The following MYBPC2 variants were observed in gnomAD, a reference collection of about 807,000 sequenced individuals.
The protein encoded by MYBPC2 is myosin-binding protein C, fast-type.
Under a neutral mutation model 137.0 loss-of-function variants are expected in MYBPC2, and 122 were observed. That is an observed-to-expected ratio of 0.89 (90% CI 0.77 to 1.03). MYBPC2 has a LOEUF of 1.03. Among genes scored for constraint, MYBPC2 ranks in the 50% least tolerant of loss-of-function variants. The probability of loss-of-function intolerance (pLI) is 0.00; values close to 1 mark genes in which losing one functional copy is unlikely to be tolerated. For synonymous variants in MYBPC2, 626 were observed against 612.3 expected (o/e 1.02, Z -0.33); for missense variants, 1,500 against 1,534.4 (o/e 0.98, Z 0.37).
chr19:50,455,728 G>A (rs1568666330), intron 20 of MYBPC2, 84 bp downstream of exon 20: 2 of 1,558,540 alleles, frequency 1.3e-6, no homozygotes, highest in Non-Finnish European at 1.7e-6. Context: ...AGGACCATGT[G>A]GGACAGAGAT....
intron 4 of MYBPC2, 124 bp downstream of exon 4, chr19:50,436,284 T>G: frequency 7.1e-7 from 1 of 1,403,184 alleles, no homozygotes; most frequent in Non-Finnish European, 9.5e-7. Flanking sequence ...GAGTGGGCCC[T>G]CTGAGGATGG....
chr19:50,457,680 G>GT (rs544491551), intron 20 of MYBPC2, among the ~76,000 whole-genome samples: 38,007 of 126,344 alleles, frequency 0.3, 5,928 homozygotes, highest in African/African-American at 0.34. Context: ...CCTGGGGAAA[G>GT]TTTTTTTTTT....
At chr19:50,436,201 G>T in intron 4 of MYBPC2, 41 bp downstream of exon 4, 1 of 1,559,010 alleles carries the variant, frequency 6.4e-7, no homozygotes, top group Non-Finnish European at 8.7e-7. Context: ...GAGGGGAGTG[G>T]AGCTTGTGCA....
At chr19:50,442,140 G>T in intron 8 of MYBPC2, 41 bp from the exon 9 acceptor site, 1 of 1,558,826 alleles carries the variant, frequency 6.4e-7, no homozygotes, top group South Asian at 1.2e-5. Context: ...GGGGAATGAG[G>T]ACCACACGCC....
In MYBPC2 at chr19:50,460,112, C is replaced by A; in HGVS notation, c.2864C>A (p.Ala955Asp). Reference protein sequence around the residue: ...WGTNALVEWQAPKDDGNSEIM... With the variant: ...WGTNALVEWQDPKDDGNSEIM... ...ACGAACGCGCTGGTGGAGTGGCAGG[C>A]CCCCAAAGATGATGGGAACAGTGAG... Residue 955 changes from alanine (A) to aspartate (D), a missense_variant, in exon 24 of 28, where the codon GCC (alanine) becomes GAC (aspartate). Coordinates refer to ENST00000357701, the MANE Select transcript of MYBPC2 (RefSeq NM_004533.4). The A allele has an allele frequency of 6.4e-7, 1 of 1,563,578 alleles. No individual in the cohort carries two copies. The highest frequency in any genetic ancestry group is 8.6e-7 in the Non-Finnish European group (1 of 1,157,158).
chr19:50,438,500 A>G (rs1156377386), intron 7 of MYBPC2, among the ~76,000 whole-genome samples: 1 of 152,188 alleles, frequency 6.6e-6, no homozygotes, highest in Non-Finnish European at 1.5e-5. Flanking sequence ...AGAGGTGGGC[A>G]GTTGACACGC....
At chr19:50,444,479 T>A (rs1466490481) in intron 11 of MYBPC2, among the ~76,000 whole-genome samples, 3 of 152,188 alleles carry the variant, frequency 2.0e-5, no homozygotes, top group Non-Finnish European at 4.4e-5. Context: ...ACCATCTACC[T>A]ATCCATTCAT....
rs1207375585 is a variant in MYBPC2, at chr19:50,460,123, G to A, written c.2875G>A (p.Asp959Asn). ...ALVEWQAPKD[D>N]GNSEIMGYFV... ...GGTGGAGTGGCAGGCCCCCAAAGAT[G>A]ATGGGAACAGTGAGATCATGGGGTA... is the stretch of plus-strand genomic sequence containing the variant. Residue 959 changes from aspartate to asparagine, a missense_variant, in exon 24 of 28, where the codon GAT becomes AAT. Transcript: ENST00000357701. 1.3e-6 allele frequency: 2 copies of A among 1,577,132 alleles called. No homozygotes were observed. Among genetic ancestry groups the A allele is most frequent in the South Asian group, 1.2e-5 (1 of 85,774 alleles).
intron 5 of MYBPC2, among the ~76,000 whole-genome samples, chr19:50,436,946 G>A (rs922634249): frequency 6.6e-6 from 1 of 152,126 alleles, no homozygotes; most frequent in East Asian, 1.9e-4. Context: ...AAGTGTACAG[G>A]GTCTTGGGAT....
chr19:50,436,833 G>A, intron 5 of MYBPC2, 99 bp downstream of exon 5: 1 of 1,134,220 alleles, frequency 8.8e-7, no homozygotes, highest in Non-Finnish European at 1.3e-6. Flanking sequence ...GCATGGGCAT[G>A]AGGTGGGCAC....
chr19:50,453,442 G>T (rs1417688429), intron 16 of MYBPC2, among the ~76,000 whole-genome samples: 1 of 152,220 alleles, frequency 6.6e-6, no homozygotes, highest in Non-Finnish European at 1.5e-5. Flanking sequence ...TGAAGGATGA[G>T]GAAGAGCTTA....
In MYBPC2 at chr19:50,451,292, A is replaced by G; in HGVS notation, c.1592A>G (p.Glu531Gly). 1.9e-6 allele frequency: 3 copies of G among 1,613,570 alleles called. No homozygotes were observed. Among genetic ancestry groups the G allele is most frequent in the Non-Finnish European group, 2.5e-6 (3 of 1,179,826 alleles). Reference sequence around the variant, plus strand: ...CTTTGTCTTGCAGAAATCAAGGTGGAGTACGTTCCCAAGCAAGGTGAGCAC... The same window carrying G: ...CTTTGTCTTGCAGAAATCAAGGTGGGGTACGTTCCCAAGCAAGGTGAGCAC... Reference protein sequence around the residue: ...AKLNFLEIKVEYVPKQEPPKI... With the variant: ...AKLNFLEIKVGYVPKQEPPKI... Residue 531 changes from glutamate (E) to glycine (G), a missense_variant, in exon 15 of 28, where the codon GAG (glutamate) becomes GGG (glycine). Coordinates refer to ENST00000357701, the MANE Select transcript of MYBPC2 (RefSeq NM_004533.4).
Position 50,440,979 on chromosome 19 carries a change from C to G in MYBPC2, c.672C>G (p.Ser224Arg), listed in dbSNP as rs770297664. 6.2e-7 allele frequency: 1 copy of G among 1,613,400 alleles called. No individual in the cohort carries two copies. Among genetic ancestry groups the G allele is most frequent in the Non-Finnish European group, 8.5e-7 (1 of 1,179,726 alleles). The change falls in exon 8 of 28, where the codon AGC becomes AGG. Residue 224 changes from serine to arginine, a missense_variant. Transcript: ENST00000357701. ...IWELLKGAKK[S>R]EYEKIAFQYG... ...AGCTCCTGAAAGGGGCAAAGAAGAGCGAGTACGAGAAAATCGCCTTCCAGT... is the reference window on the plus strand; with the variant it reads ...AGCTCCTGAAAGGGGCAAAGAAGAGGGAGTACGAGAAAATCGCCTTCCAGT...
chr19:50,445,723 C>T (rs2039797689), intron 11 of MYBPC2, among the ~76,000 whole-genome samples, 157 bp from the exon 12 acceptor site: 1 of 151,946 alleles, frequency 6.6e-6, no homozygotes, highest in African/African-American at 2.4e-5. Flanking sequence ...ACCTGTGACC[C>T]GTCCACCACT....
rs764302354 is a variant in MYBPC2, at chr19:50,437,690, C to T, written c.544C>T (p.Leu182=). The change falls in exon 7 of 28, where the codon CTG becomes TTG. Residue 182 remains leucine, a synonymous_variant. Coordinates refer to ENST00000357701, the MANE Select transcript of MYBPC2 (RefSeq NM_004533.4). ...AAAGAAGTCGGATACTGCAGGTGAGCTGGATTTCAGTGGCCTGTTGAAGAA... is the reference window on the plus strand; with the variant it reads ...AAAGAAGTCGGATACTGCAGGTGAGTTGGATTTCAGTGGCCTGTTGAAGAA... ...SEKKSDTAGE[L]DFSGLLKKRE... is the part of the protein sequence containing the mutation. 1.2e-6 allele frequency: 2 copies of T among 1,605,090 alleles called. No individual in the cohort carries two copies. Among genetic ancestry groups the T allele is most frequent in the African/African-American group, 1.3e-5 (1 of 74,866 alleles).
Position 50,435,272 on chromosome 19 carries a change from C to T in MYBPC2, c.109+22C>T. On this transcript the variant is annotated intron_variant, in intron 2 of 27. Transcript: ENST00000357701. The surrounding 1 kb of genome is among the most constrained non-coding windows in gnomAD (Gnocchi z 4.8). ...AAAGGTGAGGAGGTGCTCCCTCGGG[C>T]TCAACCGACCTGGCTTCTCATCTCC... 2 of 842,490 alleles carry T rather than the reference C, an allele frequency of 2.4e-6. No homozygotes were observed. Among genetic ancestry groups the T allele is most frequent in the South Asian group, 1.4e-5 (1 of 70,454 alleles). The allele number at this position is 842,490 out of a possible 1,614,324, so 52.2% of individuals were successfully genotyped here. A position where few individuals can be genotyped will look rare whatever the true frequency, so the allele number is the denominator to read the frequency against.
chr19:50,456,531 C>T (rs546582759), intron 20 of MYBPC2, among the ~76,000 whole-genome samples: 10 of 151,470 alleles, frequency 6.6e-5, no homozygotes, highest in Admixed American at 3.3e-4. Flanking sequence ...TCCAGGTTCA[C>T]GCCATTCTCC....
chr19:50,464,484 G>A lies in MYBPC2; in HGVS notation c.3367G>A (p.Val1123Ile), dbSNP rs774096084. ...CGCTGGGACTTACACCTGCCGGGCCGTCAACGAGCTGGGCGAGGCGCTGGC... is the reference window on the plus strand; with the variant it reads ...CGCTGGGACTTACACCTGCCGGGCCATCAACGAGCTGGGCGAGGCGCTGGC... ...FDAGTYTCRA[V>I]NELGEALAEC... Residue 1123 changes from valine (V) to isoleucine (I), a missense_variant, in exon 27 of 28, where the codon GTC becomes ATC. Transcript: ENST00000357701. The A allele has an allele frequency of 2.5e-5, 40 of 1,612,750 alleles. No individual in the cohort carries two copies. The highest frequency in any genetic ancestry group is 8.9e-5 in the East Asian group (4 of 44,864).
rs1374784987 is a variant in MYBPC2 at position 50,453,644 on chromosome 19, G to A, written c.1750-376G>A. The stretch of plus-strand genomic sequence containing the variant: ...CAACCTCCGCCTCCTGGGTTCAAGC[G>A]ATTCTTCTGCCTCAGCCTCCTGAGT... On this transcript the variant is annotated intron_variant, in intron 16 of 27. Coordinates refer to ENST00000357701, the MANE Select transcript of MYBPC2 (RefSeq NM_004533.4). Among the ~76,000 whole-genome samples, 6 of 152,036 alleles carry A rather than the reference G, an allele frequency of 3.9e-5. No individual in the cohort carries two copies. The East Asian group carries it at 1.2e-3, about 29-fold the overall frequency.
Sources: allele counts gnomAD v4.1 joint callset (sites outside exome capture counted in the v4.1 genomes callset), GRCh38; gene constraint gnomAD v4.1.1; non-coding constraint Gnocchi (gnomAD v3.1); transcripts MANE v1.5; gene names NCBI Gene and HGNC (gene_info 2026-07-23, HGNC 2026-07-21).